Variants in PPFIA1 observed in about 807,000 individuals in gnomAD.
The protein encoded by PPFIA1 is liprin-alpha-1.
A neutral mutation model predicts 149.9 loss-of-function variants in PPFIA1; 25 were observed. That is an observed-to-expected ratio of 0.17 (90% CI 0.12 to 0.23). PPFIA1 has a LOEUF of 0.23. Among genes scored for constraint, PPFIA1 ranks in the 10% least tolerant of loss-of-function variants. The probability of loss-of-function intolerance (pLI) is 1.00; values close to 1 mark genes in which losing one functional copy is unlikely to be tolerated. For synonymous variants in PPFIA1, 549 were observed against 552.8 expected (o/e 0.99, Z 0.10); for missense variants, 1,362 against 1,506.5 (o/e 0.90, Z 1.59).
intron 21 of PPFIA1, among the ~76,000 whole-genome samples, chr11:70,367,117 A>G (rs2056981200): frequency 6.6e-6 from 1 of 152,254 alleles, no homozygotes; most frequent in Non-Finnish European, 1.5e-5. Flanking sequence ...AGTCAGGGAC[A>G]GGAAGTGTAA....
intron 21 of PPFIA1, chr11:70,367,692 G>A (rs1256636958): frequency 2.2e-6 from 1 of 449,136 alleles, no homozygotes; most frequent in Non-Finnish European, 4.4e-6. Context: ...CACTTCAGGA[G>A]TCTGAGCAGA....
At chr11:70,343,528 T>G in intron 14 of PPFIA1, 141 bp from the exon 15 acceptor site, 1 of 721,494 alleles carries the variant, frequency 1.4e-6, no homozygotes, top group Non-Finnish European at 2.3e-6. Flanking sequence ...GCCTGCTTCA[T>G]GTCAGTACCT....
At chr11:70,307,709 CAGG>C (rs1479285704) in intron 2 of PPFIA1, among the ~76,000 whole-genome samples, 1 of 152,086 alleles carries the variant, frequency 6.6e-6, no homozygotes, top group African/African-American at 2.4e-5. Context: ...TCCCTTGAGC[CAGG>C]AGTTCAAGAC....
In PPFIA1 at chr11:70,362,437, C is replaced by T; in HGVS notation, c.2814C>T (p.Ile938=). The T allele has an allele frequency of 6.2e-7, 1 of 1,614,166 alleles. No individual in the cohort carries two copies. Residue 938 remains isoleucine (I), a synonymous_variant, in exon 21 of 28, where the codon ATC becomes ATT. Coordinates refer to ENST00000253925, the MANE Select transcript of PPFIA1 (RefSeq NM_003626.5). The stretch of plus-strand genomic sequence containing the variant: ...ACAGGCTGAAGCTGAGGCTGGCCAT[C>T]CAGGAGATCATGTCGCTGACCAGCC... ...PLHRLKLRLA[I]QEIMSLTSPS...
chr11:70,317,151 CTTAACATTTTTTTTTCCT>C (rs1319436747), intron 2 of PPFIA1, among the ~76,000 whole-genome samples: 2 of 152,086 alleles, frequency 1.3e-5, no homozygotes, highest in African/African-American at 4.8e-5. Context: ...TATTTTTAAA[CTTAACATTTTTTTTTCCT>C]AAATAGGAAA....
chr11:70,311,998 A>T (rs1036101125), intron 2 of PPFIA1, among the ~76,000 whole-genome samples: 5 of 151,632 alleles, frequency 3.3e-5, no homozygotes, highest in Non-Finnish European at 7.4e-5. Context: ...ATGCACCACC[A>T]CGCCTGGCTA....
intron 7 of PPFIA1, among the ~76,000 whole-genome samples, chr11:70,327,938 G>A (rs1237501218): frequency 6.6e-6 from 1 of 152,206 alleles, no homozygotes; most frequent in Admixed American, 6.5e-5. Flanking sequence ...GTAATTTCAT[G>A]TAGGAATTCA....
intron 2 of PPFIA1, among the ~76,000 whole-genome samples, chr11:70,286,951 T>C (rs1011167920): frequency 2.1e-5 from 3 of 142,042 alleles, no homozygotes; most frequent in Non-Finnish European, 4.4e-5. Context: ...TATACACATA[T>C]ACTATATATA....
chr11:70,319,301 T>A (rs142699463), intron 2 of PPFIA1, among the ~76,000 whole-genome samples: 1 of 152,348 alleles, frequency 6.6e-6, no homozygotes, highest in East Asian at 1.9e-4. Context: ...CCTGGTCTGC[T>A]GCATAATTGC....
At chr11:70,382,617 T>C (rs1464585381) in intron 27 of PPFIA1, among the ~76,000 whole-genome samples, 1 of 152,192 alleles carries the variant, frequency 6.6e-6, no homozygotes, top group Non-Finnish European at 1.5e-5. Flanking sequence ...ATACTAAGTG[T>C]GACACTAATA....
intron 2 of PPFIA1, among the ~76,000 whole-genome samples, chr11:70,280,097 G>A (rs941460021): frequency 6.6e-5 from 10 of 151,900 alleles, no homozygotes; most frequent in Non-Finnish European, 5.9e-5. Flanking sequence ...CAGTGGAGGT[G>A]GGGTTTTGCC....
intron 2 of PPFIA1, chr11:70,279,034 G>A: frequency 1.9e-6 from 1 of 530,294 alleles, no homozygotes; most frequent in South Asian, 1.9e-5. Context: ...CGAATGGCAA[G>A]TTGCAAGTAA....
chr11:70,346,910 A>G (rs2055736605), intron 15 of PPFIA1, among the ~76,000 whole-genome samples: 1 of 152,230 alleles, frequency 6.6e-6, no homozygotes, highest in Non-Finnish European at 1.5e-5. Flanking sequence ...GTCAAATATT[A>G]AAACTGCTGT....
At position 70,272,217 on chromosome 11, in the gene PPFIA1, C is replaced by T. The variant is rs1284137479; in HGVS notation, c.45C>T (p.Pro15=). The T allele has an allele frequency of 1.9e-6, 3 of 1,613,944 alleles. No individual in the cohort carries two copies. The highest frequency in any genetic ancestry group is 1.3e-5 in the African/African-American group (1 of 74,912). Residue 15 remains proline (P), a synonymous_variant, in exon 2 of 28, where the codon CCC becomes CCT. Coordinates refer to ENST00000253925, the MANE Select transcript of PPFIA1 (RefSeq NM_003626.5). ...VMPTISEAEG[P]PGGGGGHGSG... ...CGACCATCAGCGAAGCAGAAGGCCC[C>T]CCTGGAGGAGGTGGAGGCCATGGTT...
At chr11:70,370,073 C>T (rs936432432) in intron 21 of PPFIA1, among the ~76,000 whole-genome samples, 2 of 152,070 alleles carry the variant, frequency 1.3e-5, no homozygotes, top group African/African-American at 4.8e-5. Flanking sequence ...GCCTCAGCCT[C>T]CCAAGTAGCT....
At chr11:70,294,755 C>T (rs2051786245) in intron 2 of PPFIA1, among the ~76,000 whole-genome samples, 1 of 151,788 alleles carries the variant, frequency 6.6e-6, no homozygotes, top group African/African-American at 2.4e-5. Flanking sequence ...GGTGATGACT[C>T]TTAACGAGCA....
At chr11:70,377,357 C>T (rs1051341927) in intron 25 of PPFIA1, among the ~76,000 whole-genome samples, 2 of 152,286 alleles carry the variant, frequency 1.3e-5, no homozygotes, top group Admixed American at 1.3e-4. Flanking sequence ...CCCCTTAAAA[C>T]CATGACTCAT....
chr11:70,292,002 T>C (rs2051562740), intron 2 of PPFIA1, among the ~76,000 whole-genome samples: 1 of 152,020 alleles, frequency 6.6e-6, no homozygotes, highest in African/African-American at 2.4e-5. Context: ...CACACCTGGC[T>C]AATTTTTTGT....
At chr11:70,290,228 TA>T (rs34382137) in intron 2 of PPFIA1, among the ~76,000 whole-genome samples, 31,867 of 148,624 alleles carry the variant, frequency 0.21, 3,551 homozygotes, top group South Asian at 0.26. Context: ...AAACCTTGTG[TA>T]AAAAAAAAAA....
Sources: gnomAD v4.1 joint callset for allele counts (sites outside exome capture counted in the v4.1 genomes callset) on GRCh38, gnomAD v4.1.1 for gene constraint, MANE v1.5 for transcripts, NCBI Gene and HGNC (gene_info 2026-07-23, HGNC 2026-07-21) for gene names.